Variants in DACH2 observed in about 807,000 individuals in gnomAD.
DACH2 encodes dachshund family transcription factor 2.
In DACH2, 17 loss-of-function variants were observed where a neutral mutation model predicts 35.8. The ratio of observed to expected loss-of-function variants is 0.48; its 90% CI spans 0.33 to 0.71. DACH2 has a LOEUF of 0.71. DACH2 is among the 30% of genes least tolerant of loss of function. The pLI, the probability that DACH2 is intolerant of heterozygous loss-of-function variation, is 0.02. For missense variants in DACH2, 469 were observed against 472.7 expected (o/e 0.99, Z 0.07); for synonymous variants, 195 against 177.3 (o/e 1.10, Z -0.79).
chrX:86,714,645 C>A lies in DACH2; in HGVS notation c.1029C>A (p.Leu343=). The change falls in exon 6 of 12, where the codon CTC becomes CTA. Residue 343 remains leucine (L), a synonymous_variant. Transcript: ENST00000373125. ...TGGCAATGAATCAGATGAACCATCT[C>A]AATACTATTGCCAACATGGCTGCTG... is the stretch of plus-strand genomic sequence containing the variant. ...VAMAMNQMNH[L]NTIANMAAAA... is the part of the protein sequence containing the mutation. 1 of 1,208,763 alleles carries A rather than the reference C, an allele frequency of 8.3e-7. No homozygotes were observed. Among genetic ancestry groups the A allele is most frequent in the Non-Finnish European group, 1.1e-6 (1 of 893,316 alleles).
chrX:86,633,703 C>A (rs958541748), intron 3 of DACH2, among the ~76,000 whole-genome samples: 1 of 111,171 alleles, frequency 9.0e-6, no homozygotes, highest in Non-Finnish European at 1.9e-5. Context: ...GATACAAAAA[C>A]CCTCAATAAA....
intron 4 of DACH2, among the ~76,000 whole-genome samples, chrX:86,673,513 A>T (rs2040793503): frequency 9.0e-6 from 1 of 110,805 alleles, no homozygotes; most frequent in Non-Finnish European, 1.9e-5. Context: ...GTATCTTGAG[A>T]GTAACTAACT....
intron 7 of DACH2, among the ~76,000 whole-genome samples, chrX:86,795,883 C>G (rs4614154): frequency 0.063 from 5,622 of 89,240 alleles, 381 homozygotes; most frequent in African/African-American, 0.19. Flanking sequence ...GGTTCGTGGT[C>G]TTGCTGACTT....
intron 2 of DACH2, among the ~76,000 whole-genome samples, chrX:86,466,015 G>T (rs993477912): frequency 9.0e-6 from 1 of 111,590 alleles, no homozygotes. Context: ...GAAAGGTACT[G>T]CATTAGTCCA....
chrX:86,240,566 T>C lies in DACH2; in HGVS notation c.488+91458T>C, dbSNP rs1199607426. Reference sequence around the variant, plus strand: ...TCATTGCAGCCCTGACCTTGTGGGCTCTAGTGATTCTCTGCCTCAGCCTCC... The same window carrying C: ...TCATTGCAGCCCTGACCTTGTGGGCCCTAGTGATTCTCTGCCTCAGCCTCC... On this transcript the variant is annotated intron_variant, in intron 1 of 11. Transcript: ENST00000373125. 8.3e-5 allele frequency among the ~76,000 whole-genome samples: 9 copies of C among 108,954 alleles called. No individual in the cohort carries two copies. In the Admixed American group the frequency reaches 8.9e-4, roughly 11 times the overall value. The allele number at this position is 108,954 out of a possible 115,157, so 94.6% of individuals were successfully genotyped here.
rs2041051715 is a variant in DACH2 at position 86,695,112 on chromosome X, T to A, written c.864T>A (p.Ala288=). Residue 288 remains alanine (A), a synonymous_variant, in exon 5 of 12, where the codon GCT becomes GCA. Transcript: ENST00000373125. Reference sequence around the variant, plus strand: ...ATGGAATTGCTCATGCAGCCCTAGCTGGCCAGCCAGGCATTGGGGGTGCTC... The same window carrying A: ...ATGGAATTGCTCATGCAGCCCTAGCAGGCCAGCCAGGCATTGGGGGTGCTC... ...PQHGIAHAAL[A]GQPGIGGAPT... The A allele has an allele frequency of 8.7e-7, 1 of 1,149,370 alleles. No individual in the cohort carries two copies. The highest frequency in any genetic ancestry group is 3.3e-5 in the East Asian group (1 of 30,256). The allele number at this position is 1,149,370 out of a possible 1,213,427, so 94.7% of individuals were successfully genotyped here.
At chrX:86,460,805 T>C (rs936080627) in intron 2 of DACH2, among the ~76,000 whole-genome samples, 10 of 110,647 alleles carry the variant, frequency 9.0e-5, no homozygotes, top group Admixed American at 7.8e-4. Flanking sequence ...TGAAAAACTG[T>C]ATTCAAATTA....
chrX:86,825,661 T>C (rs1161365856), intron 11 of DACH2, among the ~76,000 whole-genome samples: 2 of 111,709 alleles, frequency 1.8e-5, no homozygotes, highest in African/African-American at 6.5e-5. Flanking sequence ...AGTTTTTATT[T>C]ATTCTTCTCT....
At chrX:86,276,979 T>A (rs1365728801) in intron 1 of DACH2, among the ~76,000 whole-genome samples, 2 of 111,879 alleles carry the variant, frequency 1.8e-5, no homozygotes, top group Non-Finnish European at 3.8e-5. Context: ...CCTTCAGTTT[T>A]GTTCTTTTTG....
chrX:86,583,385 T>A (rs984994974), intron 3 of DACH2, among the ~76,000 whole-genome samples: 3 of 110,094 alleles, frequency 2.7e-5, no homozygotes, highest in South Asian at 7.7e-4. Flanking sequence ...GAAAAAAAAA[T>A]TGAAAGGCAT....
intron 1 of DACH2, among the ~76,000 whole-genome samples, chrX:86,239,133 T>C (rs2033114877): frequency 1.8e-5 from 2 of 112,202 alleles, no homozygotes; most frequent in African/African-American, 6.5e-5. Context: ...GTAGTATTAT[T>C]TTAGTATTAT....
intron 6 of DACH2, among the ~76,000 whole-genome samples, chrX:86,737,624 C>T (rs1331625424): frequency 9.0e-6 from 1 of 111,642 alleles, no homozygotes; most frequent in East Asian, 2.8e-4. Flanking sequence ...AATTTATTAT[C>T]TTGGAGTTCT....
chrX:86,196,185 A>G (rs776326206), intron 1 of DACH2, among the ~76,000 whole-genome samples: 3 of 111,777 alleles, frequency 2.7e-5, no homozygotes, highest in Non-Finnish European at 3.8e-5. Flanking sequence ...GGAAGTTAAG[A>G]GTCACAATAA....
intron 1 of DACH2, chrX:86,262,910 G>T: frequency 1.8e-6 from 1 of 565,885 alleles, no homozygotes; most frequent in Non-Finnish European, 2.1e-6. Flanking sequence ...GAAATAGAAA[G>T]AAACAAACAA....
intron 1 of DACH2, among the ~76,000 whole-genome samples, chrX:86,203,388 A>G (rs1205399606): frequency 1.8e-5 from 2 of 111,882 alleles, no homozygotes; most frequent in Admixed American, 9.5e-5. Flanking sequence ...ATGCTTAAAA[A>G]AGTGAAATCA....
chrX:86,746,656 T>C (rs1217868496), intron 7 of DACH2, among the ~76,000 whole-genome samples: 2 of 111,954 alleles, frequency 1.8e-5, no homozygotes, highest in Non-Finnish European at 3.8e-5. Flanking sequence ...GAGTTCTTTT[T>C]ATATTATGGA....
Position 86,363,202 on chromosome X carries a change from G to T in DACH2, c.489-13622G>T, listed in dbSNP as rs181931413. On this transcript the variant is annotated intron_variant, in intron 1 of 11. Transcript: ENST00000373125. ...ATTATATTTAAGGTATATCAAATAA[G>T]TTAGGGTTTCAGTGGCAAATTTAGG... is the stretch of plus-strand genomic sequence containing the variant. 5.5e-3 allele frequency among the ~76,000 whole-genome samples: 612 copies of T among 111,280 alleles called. 9 individuals are homozygous for T. The highest frequency in any genetic ancestry group is 0.019 in the African/African-American group (576 of 30,785).
chrX:86,711,663 G>A (rs747209846), intron 5 of DACH2, among the ~76,000 whole-genome samples: 7 of 111,688 alleles, frequency 6.3e-5, no homozygotes, highest in African/African-American at 9.8e-5. Context: ...CAGTATTTGC[G>A]TATGCTTTGC....
intron 2 of DACH2, among the ~76,000 whole-genome samples, chrX:86,449,547 T>A (rs1322131374): frequency 1.8e-5 from 2 of 111,745 alleles, no homozygotes; most frequent in Non-Finnish European, 3.8e-5. Context: ...TTTTCTAGTT[T>A]TCTTATGGAT....
Sources: allele counts gnomAD v4.1 joint callset (sites outside exome capture counted in the v4.1 genomes callset), GRCh38; gene constraint gnomAD v4.1.1; transcripts MANE v1.5; gene names NCBI Gene and HGNC (gene_info 2026-07-23, HGNC 2026-07-21).